Variants in CPSF6 observed in about 807,000 individuals in gnomAD.
The protein encoded by CPSF6 is cleavage and polyadenylation specific factor 6.
A neutral mutation model predicts 56.7 loss-of-function variants in CPSF6; 10 were observed. The observed-to-expected ratio is 0.18, with a 90% CI of 0.11 to 0.30. The LOEUF (loss-of-function observed/expected upper bound fraction) is 0.30, where lower values mean the gene tolerates loss of function less well. CPSF6 is among the 10% of genes least tolerant of loss of function. The pLI is 1.00. For missense variants in CPSF6, 419 were observed against 722.9 expected, an observed-to-expected ratio of 0.58 and a Z score of 4.82; for synonymous variants, 248 against 244.8, an observed-to-expected ratio of 1.01 and a Z score of -0.12.
Position 69,274,109 on chromosome 12 carries a change from C to CTTTTTTTTTTTTTTT in CPSF6, c.*4605_*4619dup, listed in dbSNP as rs3051104. 1 of 119,088 alleles carries CTTTTTTTTTTTTTTT rather than the reference C, an allele frequency of 8.4e-6. No homozygotes were observed. The highest frequency in any genetic ancestry group is 3.3e-5 in the African/African-American group (1 of 30,602). The allele number at this position is 119,088 out of a possible 1,614,324, so 7.4% of individuals were successfully genotyped here. On this transcript the variant is annotated 3_prime_UTR_variant, in exon 10 of 10. Coordinates refer to ENST00000435070, the MANE Select transcript of CPSF6 (RefSeq NM_007007.3). ...GTAAGGTGATAATTGATCTAATAGACTTTTTTTTTTTTTTTTTTGCTGTCC... is the reference window on the plus strand; with the variant it reads ...GTAAGGTGATAATTGATCTAATAGACTTTTTTTTTTTTTTTTTTTTTTTTTTTTTTTTTGCTGTCC...
chr12:69,241,601 T>A (rs1329718400), intron 1 of CPSF6, among the ~76,000 whole-genome samples: 1 of 152,236 alleles, frequency 6.6e-6, no homozygotes, highest in Non-Finnish European at 1.5e-5. Context: ...ACATCTCCCT[T>A]ATCCGGATAG....
intron 1 of CPSF6, among the ~76,000 whole-genome samples, chr12:69,248,254 CTATT>C (rs528852562): frequency 1.1e-3 from 163 of 152,280 alleles, no homozygotes; most frequent in African/African-American, 3.9e-3. Flanking sequence ...ATCTGTTCAC[CTATT>C]TATGTAAGTG....
intron 3 of CPSF6, among the ~76,000 whole-genome samples, chr12:69,256,238 G>A (rs531344760): frequency 2.6e-5 from 4 of 152,218 alleles, no homozygotes; most frequent in African/African-American, 7.2e-5. Flanking sequence ...GAATGGGAGC[G>A]ATGGCTAATG....
At chr12:69,242,800 T>A (rs1208966555) in intron 1 of CPSF6, among the ~76,000 whole-genome samples, 3 of 152,206 alleles carry the variant, frequency 2.0e-5, no homozygotes, top group African/African-American at 7.2e-5. Flanking sequence ...TGGCCAAAAC[T>A]AAATAATTTA....
At chr12:69,260,252 A>G (rs1344500587) in intron 8 of CPSF6, 55 bp downstream of exon 8, 3 of 1,332,830 alleles carry the variant, frequency 2.3e-6, no homozygotes, top group African/African-American at 1.5e-5. Context: ...TACAAATGGA[A>G]AAAATACTGT....
chr12:69,256,727 A>G lies in CPSF6; in HGVS notation c.405A>G (p.Ala135=). 4 of 1,613,766 alleles carry G rather than the reference A, an allele frequency of 2.5e-6. No individual in the cohort carries two copies. The highest frequency in any genetic ancestry group is 3.4e-6 in the Non-Finnish European group (4 of 1,179,876). ...CCCTTGTTGGTGTTGGATCTGAAGC[A>G]TCTTCAAAAAAGTTAATGGATCTGT... ...GFALVGVGSE[A]SSKKLMDLLP... The change falls in exon 4 of 10, where the codon GCA becomes GCG. Residue 135 remains alanine, a synonymous_variant. Transcript: ENST00000435070.
At chr12:69,265,150 T>G (rs1872913273) in intron 9 of CPSF6, among the ~76,000 whole-genome samples, 1 of 152,162 alleles carries the variant, frequency 6.6e-6, no homozygotes, top group African/African-American at 2.4e-5. Context: ...TATTGGTTTT[T>G]CTAAAAGTAT....
intron 1 of CPSF6, among the ~76,000 whole-genome samples, chr12:69,241,352 A>T (rs527812641): frequency 6.6e-6 from 1 of 152,250 alleles, no homozygotes; most frequent in South Asian, 2.1e-4. Flanking sequence ...CCTCTAGGAA[A>T]TTTTTTTCCT....
Position 69,271,010 on chromosome 12 carries a change from G to C in CPSF6, c.*1502G>C, listed in dbSNP as rs922363864. On this transcript the variant is annotated 3_prime_UTR_variant, in exon 10 of 10. Transcript: ENST00000435070. ...TAAAATACCCTAGATACTGTGTTATGTGCAACTGTAGAAACCCTCCAGAAA... is the reference window on the plus strand; with the variant it reads ...TAAAATACCCTAGATACTGTGTTATCTGCAACTGTAGAAACCCTCCAGAAA... 1.3e-5 allele frequency: 2 copies of C among 151,736 alleles called. No homozygotes were observed. The highest frequency in any genetic ancestry group is 4.8e-5 in the African/African-American group (2 of 41,402). 9.4% of individuals were successfully genotyped at this position (151,736 alleles called of 1,614,324 possible).
At chr12:69,267,405 A>G (rs1873043426) in intron 9 of CPSF6, among the ~76,000 whole-genome samples, 1 of 151,432 alleles carries the variant, frequency 6.6e-6, no homozygotes, top group Non-Finnish European at 1.5e-5. Context: ...GATTCCATTT[A>G]TCATCTTAGT....
At chr12:69,264,320 T>G (rs574275305) in intron 9 of CPSF6, among the ~76,000 whole-genome samples, 1 of 152,242 alleles carries the variant, frequency 6.6e-6, no homozygotes, top group African/African-American at 2.4e-5. Flanking sequence ...TCTACAAAAT[T>G]GGATGTGCCC....
intron 1 of CPSF6, among the ~76,000 whole-genome samples, chr12:69,247,594 T>C (rs73335764): frequency 0.011 from 1,723 of 152,284 alleles, 44 homozygotes; most frequent in African/African-American, 0.039. Context: ...CGTGAAATAT[T>C]TCTTTGACAA....
chr12:69,251,197 T>C lies in CPSF6; in HGVS notation c.129T>C (p.Asn43=). The C allele has an allele frequency of 1.2e-6, 2 of 1,613,318 alleles. No homozygotes were observed. The highest frequency in any genetic ancestry group is 1.8e-4 in the Middle Eastern group (1 of 5,568). Residue 43 remains asparagine, a synonymous_variant, in exon 2 of 10, where the codon AAT becomes AAC. Transcript: ENST00000435070. ...ATGTCATATCTCCATCTGCAAATAA[T>C]GGAGATGCCCCAGAAGACCGAGATT... is the stretch of plus-strand genomic sequence containing the variant. The part of the protein sequence containing the change: ...YDDVISPSAN[N]GDAPEDRDYM...
In CPSF6 at chr12:69,258,757, C is replaced by T; in HGVS notation, c.862C>T (p.Pro288Ser). 6.2e-7 allele frequency: 1 copy of T among 1,614,060 alleles called. No homozygotes were observed. Among genetic ancestry groups the T allele is most frequent in the Non-Finnish European group, 8.5e-7 (1 of 1,180,000 alleles). Residue 288 changes from proline (P) to serine (S), a missense_variant, in exon 6 of 10, where the codon CCA becomes TCA. By Grantham distance (74) the Pro-to-Ser change is moderately conservative. Transcript: ENST00000435070. The surrounding 1 kb of genome is among the most constrained non-coding windows in gnomAD (Gnocchi z 4.2). Reference sequence around the variant, plus strand: ...TCCTGGACAACCTTTTGGGCAGCCTCCATTGGGTCCACTTCCTCCTGGCCC... The same window carrying T: ...TCCTGGACAACCTTTTGGGCAGCCTTCATTGGGTCCACTTCCTCCTGGCCC... ...LFPGQPFGQP[P>S]LGPLPPGPPP...
intron 9 of CPSF6, 76 bp from the exon 10 acceptor site, chr12:69,269,436 G>A: frequency 2.2e-6 from 1 of 444,914 alleles, no homozygotes. Flanking sequence ...ACTTGTGTAT[G>A]TATAGTTAAG....
At chr12:69,252,004 A>C in intron 2 of CPSF6, 1 of 455,930 alleles carries the variant, frequency 2.2e-6, no homozygotes, top group African/African-American at 2.0e-5. Context: ...TGTATATGCA[A>C]AAATCAATAA....
chr12:69,246,869 G>GC lies in CPSF6; in HGVS notation c.61-4257dup, dbSNP rs540884396. On this transcript the variant is annotated intron_variant, in intron 1 of 9. Transcript: ENST00000435070. ...GGTAGAGATGGGATCTTCCTAAGTT[G>GC]CCCAGGCTGGTCTTAGACTCCTGGG... Among the ~76,000 whole-genome samples the GC allele has an allele frequency of 2.6e-5, 4 of 152,196 alleles. No homozygotes were observed. The South Asian group carries it at 8.3e-4, about 32-fold the overall frequency.
At position 69,269,697 on chromosome 12, in the gene CPSF6, A is replaced by G. The variant is rs938533217; in HGVS notation, c.*189A>G. 1 of 221,056 alleles carries G rather than the reference A, an allele frequency of 4.5e-6. No individual in the cohort carries two copies. Among genetic ancestry groups the G allele is most frequent in the African/African-American group, 2.4e-5 (1 of 42,494 alleles). The allele number at this position is 221,056 out of a possible 1,614,324, so 13.7% of individuals were successfully genotyped here. ...ACCAGTAGCTCTACTTTTATTTTTT[A>G]TGTTGCTTAACTGTTTTATTTGAAG... On this transcript the variant is annotated 3_prime_UTR_variant, in exon 10 of 10. Transcript: ENST00000435070.
Position 69,251,315 on chromosome 12 carries a change from T to C in CPSF6, c.247T>C (p.Leu83=), listed in dbSNP as rs1872230936. 13 of 1,568,450 alleles carry C rather than the reference T, an allele frequency of 8.3e-6. No homozygotes were observed. Among genetic ancestry groups the C allele is most frequent in the Non-Finnish European group, 1.1e-5 (13 of 1,140,628 alleles). The change falls in exon 2 of 10, where the codon TTA becomes CTA. Residue 83 remains leucine (L), a synonymous_variant. Coordinates refer to ENST00000435070, the MANE Select transcript of CPSF6 (RefSeq NM_007007.3). The part of the protein sequence containing the change: ...VYTYTGKRIA[L]YIGNLTWWTT... ...TACATATACTGGAAAGAGAATTGCATTATATATTGGAAATCTAACATGGGT... is the reference window on the plus strand; with the variant it reads ...TACATATACTGGAAAGAGAATTGCACTATATATTGGAAATCTAACATGGGT...
Sources: allele counts gnomAD v4.1 joint callset (sites outside exome capture counted in the v4.1 genomes callset), GRCh38; gene constraint gnomAD v4.1.1; non-coding constraint Gnocchi (gnomAD v3.1); transcripts MANE v1.5; gene names NCBI Gene and HGNC (gene_info 2026-07-23, HGNC 2026-07-21).